The following KANSL1L variants were observed in gnomAD, a reference collection of about 807,000 sequenced individuals.
KANSL1L encodes the protein KAT8 regulatory NSL complex subunit 1 like, also known as KAT8 regulatory NSL complex subunit 1-like protein.
KANSL1L carries 25 observed loss-of-function variants against 108.6 expected under a neutral mutation model. That is an observed-to-expected ratio of 0.23 (90% CI 0.17 to 0.32). The LOEUF (loss-of-function observed/expected upper bound fraction) is 0.32. KANSL1L is among the 10% of genes least tolerant of loss of function. KANSL1L has a pLI of 1.00. For synonymous variants in KANSL1L, 405 were observed against 395.1 expected (o/e 1.03, Z -0.30); for missense variants, 1,137 against 1,125.7 (o/e 1.01, Z -0.14).
chr2:210,031,279 G>T, intron 9 of KANSL1L, 142 bp downstream of exon 9: 1 of 589,938 alleles, frequency 1.7e-6, no homozygotes, highest in Non-Finnish European at 2.9e-6. Flanking sequence ...CGAATATGCT[G>T]TTTCATGTTT....
chr2:210,060,750 C>T (rs972923569), intron 6 of KANSL1L, among the ~76,000 whole-genome samples: 1 of 152,062 alleles, frequency 6.6e-6, no homozygotes, highest in Admixed American at 6.6e-5. Flanking sequence ...TTGAAGAATA[C>T]CATGAGAAAA....
upstream of KANSL1L, among the ~76,000 whole-genome samples, chr2:210,172,090 TAAAC>T (rs1289844481): frequency 6.6e-6 from 1 of 151,802 alleles, no homozygotes; most frequent in Admixed American, 6.6e-5. Flanking sequence ...CGCTGTCAAA[TAAAC>T]AAACGGAGTT....
rs774427348 is a variant in KANSL1L at position 210,031,497 on chromosome 2, C to G, written c.2079G>C (p.Lys693Asn). ...QWRNGYSPIC[K>N]PQIRSESSAQ... The stretch of plus-strand genomic sequence containing the variant: ...CAGAAGATTCTGACCTTATTTGAGG[C>G]TTACATATAGGTGAATATCCATTTC... Residue 693 changes from lysine (K) to asparagine (N), a missense_variant, in exon 9 of 15, where the codon AAG becomes AAC. Coordinates refer to ENST00000281772, the MANE Select transcript of KANSL1L (RefSeq NM_152519.4). 6.4e-7 allele frequency: 1 copy of G among 1,565,710 alleles called. No individual in the cohort carries two copies. Among genetic ancestry groups the G allele is most frequent in the Non-Finnish European group, 8.8e-7 (1 of 1,138,554 alleles).
At chr2:210,096,619 A>G in intron 5 of KANSL1L, 11 of 985,326 alleles carry the variant, frequency 1.1e-5, no homozygotes, top group Non-Finnish European at 1.2e-5. Context: ...CTTATACACC[A>G]ATTTGATGTG....
intron 1 of KANSL1L, among the ~76,000 whole-genome samples, chr2:210,166,293 T>C (rs1687956726): frequency 6.6e-6 from 1 of 152,148 alleles, no homozygotes; most frequent in African/African-American, 2.4e-5. Flanking sequence ...AAGGTGCATG[T>C]ACACAGTGAG....
chr2:210,089,238 C>T (rs2094668989), intron 5 of KANSL1L, among the ~76,000 whole-genome samples: 3 of 152,266 alleles, frequency 2.0e-5, no homozygotes, highest in East Asian at 1.9e-4. Context: ...CTTACTGTCA[C>T]GGATACCTCT....
chr2:210,076,904 A>G (rs1258747760), intron 5 of KANSL1L, among the ~76,000 whole-genome samples: 1 of 152,086 alleles, frequency 6.6e-6, no homozygotes, highest in South Asian at 2.1e-4. Flanking sequence ...ATCTGCTATT[A>G]TGTGATACTG....
rs554907831 is a variant in KANSL1L at position 210,144,350 on chromosome 2, A to C, written c.1088+9145T>G. The stretch of plus-strand genomic sequence containing the variant: ...GACTCTCCTTTACCCCGATGTGACT[A>C]TCTCTCCCCAGATTTGTGACGTTTT... On this transcript the variant is annotated intron_variant, in intron 2 of 14. Transcript: ENST00000281772. Among the ~76,000 whole-genome samples the C allele has an allele frequency of 9.9e-5, 15 of 152,214 alleles. No individual in the cohort carries two copies. In the South Asian group the frequency reaches 2.3e-3, roughly 23 times the overall value.
intron 2 of KANSL1L, among the ~76,000 whole-genome samples, chr2:210,132,518 A>T (rs1472804037): frequency 1.3e-5 from 2 of 152,170 alleles, no homozygotes; most frequent in African/African-American, 4.8e-5. Context: ...TTATGACTTC[A>T]ATTCCCATCC....
At position 210,077,044 on chromosome 2, in the gene KANSL1L, T is replaced by C. The variant is rs1167934775; in HGVS notation, c.1551-1288A>G. 2.0e-5 allele frequency among the ~76,000 whole-genome samples: 3 copies of C among 152,210 alleles called. No homozygotes were observed. In the East Asian group the frequency reaches 5.8e-4, roughly 29 times the overall value. ...CATATTTATGGCTACTATAAAATAT[T>C]ATATTAGCTTGTGGATAAAGTAAAT... On this transcript the variant is annotated intron_variant, in intron 5 of 14. Transcript: ENST00000281772.
At chr2:210,028,005 C>T (rs1443258954) in intron 11 of KANSL1L, among the ~76,000 whole-genome samples, 1 of 152,142 alleles carries the variant, frequency 6.6e-6, no homozygotes, top group Non-Finnish European at 1.5e-5. Context: ...CTGAAATTGT[C>T]ACCCACCTGT....
chr2:210,126,248 T>C (rs1197902847), intron 3 of KANSL1L, among the ~76,000 whole-genome samples: 1 of 152,070 alleles, frequency 6.6e-6, no homozygotes, highest in Non-Finnish European at 1.5e-5. Context: ...CAGAATATAA[T>C]AGATAGATAA....
chr2:210,094,094 T>C (rs1175928276), intron 5 of KANSL1L, among the ~76,000 whole-genome samples: 1 of 152,064 alleles, frequency 6.6e-6, no homozygotes, highest in East Asian at 1.9e-4. Flanking sequence ...GATATAGAGT[T>C]TCAGTTTGAG....
chr2:210,048,172 C>A (rs1168337115), intron 6 of KANSL1L, among the ~76,000 whole-genome samples: 2 of 152,166 alleles, frequency 1.3e-5, no homozygotes, highest in Non-Finnish European at 2.9e-5. Context: ...GTGCTTCATG[C>A]CTCCTAAAAC....
chr2:210,047,603 T>A (rs2094239179), intron 6 of KANSL1L, among the ~76,000 whole-genome samples: 1 of 152,242 alleles, frequency 6.6e-6, no homozygotes, highest in African/African-American at 2.4e-5. Flanking sequence ...AGGCATTCTC[T>A]AAATAAAATG....
In KANSL1L at chr2:210,129,103, T is replaced by C. The variant is rs200040933; in HGVS notation, c.1158A>G (p.Gln386=). 191 of 1,613,868 alleles carry C rather than the reference T, an allele frequency of 1.2e-4. No individual in the cohort carries two copies. Among genetic ancestry groups the C allele is most frequent in the Non-Finnish European group, 1.5e-4 (181 of 1,179,878 alleles). ...ARVGSRWTWL[Q]AQISDLECKI... is the part of the protein sequence containing the mutation. ...TGCATTCTAGGTCTGAAATCTGAGC[T>C]TGAAGCCAAGTCCATCGGCTGCCAA... Residue 386 remains glutamine, a synonymous_variant, in exon 3 of 15, where the codon CAA becomes CAG. Transcript: ENST00000281772.
rs182728425 is a variant in KANSL1L, at chr2:210,022,614, A to G, written c.*335T>C. 7 of 243,200 alleles carry G rather than the reference A, an allele frequency of 2.9e-5. No individual in the cohort carries two copies. The highest frequency in any genetic ancestry group is 1.1e-4 in the African/African-American group (5 of 43,778). The allele number at this position is 243,200 out of a possible 1,614,324, so 15.1% of individuals were successfully genotyped here. ...GGCACACAGGTTTGTATGTATGTGT[A>G]TATATATATGTATGTATGTATGGTG... On this transcript the variant is annotated 3_prime_UTR_variant, in exon 15 of 15. Transcript: ENST00000281772.
chr2:210,061,956 A>T (rs981630107), intron 6 of KANSL1L, among the ~76,000 whole-genome samples: 1 of 152,228 alleles, frequency 6.6e-6, no homozygotes, highest in African/African-American at 2.4e-5. Flanking sequence ...TATTCATTTA[A>T]ATAGTGCTAA....
intron 1 of KANSL1L, among the ~76,000 whole-genome samples, chr2:210,164,242 G>A (rs947547994): frequency 5.3e-5 from 8 of 151,842 alleles, no homozygotes; most frequent in African/African-American, 9.7e-5. Context: ...ATCAACTATC[G>A]ACTACTATAT....
Sources: allele counts gnomAD v4.1 joint callset (sites outside exome capture counted in the v4.1 genomes callset), GRCh38; gene constraint gnomAD v4.1.1; transcripts MANE v1.5; gene names NCBI Gene and HGNC (gene_info 2026-07-23, HGNC 2026-07-21).